Variants in CDH13 observed in about 807,000 individuals in gnomAD.
CDH13 encodes the protein cadherin-13.
CDH13 carries 24 observed loss-of-function variants against 63.8 expected under a neutral mutation model. That is an observed-to-expected ratio of 0.38 (90% CI 0.27 to 0.53). The LOEUF (loss-of-function observed/expected upper bound fraction) is 0.53, where lower values mean the gene tolerates loss of function less well. Ranked by LOEUF, CDH13 falls within the 20% of genes least tolerant of loss-of-function variation. The pLI, the probability that CDH13 is intolerant of heterozygous loss-of-function variation, is 0.85. For missense variants in CDH13, 1,049 were observed against 903.1 expected, an observed-to-expected ratio of 1.16 and a Z score of -2.07; for synonymous variants, 503 against 355.3, an observed-to-expected ratio of 1.42 and a Z score of -4.67.
intron 6 of CDH13, among the ~76,000 whole-genome samples, chr16:83,458,094 C>G (rs147180805): frequency 6.6e-6 from 1 of 152,116 alleles, no homozygotes; most frequent in African/African-American, 2.4e-5. Context: ...AGACAGAACG[C>G]TCCTAACAGA....
chr16:83,182,865 C>T (rs2038391744), intron 4 of CDH13, among the ~76,000 whole-genome samples: 1 of 152,148 alleles, frequency 6.6e-6, no homozygotes, highest in Admixed American at 6.5e-5. Flanking sequence ...CTTTTTATCA[C>T]ATACTTAAAG....
intron 6 of CDH13, among the ~76,000 whole-genome samples, chr16:83,389,392 CTCTA>C (rs1344818145): frequency 5.9e-5 from 9 of 152,182 alleles, no homozygotes; most frequent in Non-Finnish European, 1.0e-4. Flanking sequence ...AGTTAACAAT[CTCTA>C]TCTTTCTATA....
intron 8 of CDH13, among the ~76,000 whole-genome samples, chr16:83,665,201 G>A (rs1021628322): frequency 2.6e-5 from 4 of 151,874 alleles, no homozygotes; most frequent in East Asian, 3.9e-4. Flanking sequence ...CACACCACTC[G>A]AGGAAAATAA....
At chr16:83,085,037 T>C (rs1020092429) in intron 3 of CDH13, among the ~76,000 whole-genome samples, 7 of 152,328 alleles carry the variant, frequency 4.6e-5, no homozygotes, top group Non-Finnish European at 1.0e-4. Context: ...TCCTTAATTG[T>C]CTGGCTTTAA....
chr16:83,069,570 C>G (rs1050562929), intron 3 of CDH13, among the ~76,000 whole-genome samples: 1 of 152,110 alleles, frequency 6.6e-6, no homozygotes, highest in African/African-American at 2.4e-5. Context: ...CTAAAAAATG[C>G]AAAGCCAAGA....
intron 5 of CDH13, among the ~76,000 whole-genome samples, chr16:83,226,884 A>G (rs143457884): frequency 2.9e-4 from 44 of 152,320 alleles, no homozygotes; most frequent in Admixed American, 1.5e-3. Context: ...CCCGCCACCC[A>G]TTAGCCATCT....
At chr16:83,612,100 A>G (rs1374872255) in intron 8 of CDH13, among the ~76,000 whole-genome samples, 2 of 152,094 alleles carry the variant, frequency 1.3e-5, no homozygotes, top group African/African-American at 2.4e-5. Flanking sequence ...TCAGTTACTG[A>G]AAGAGTGATA....
At chr16:83,616,026 G>A (rs997153648) in intron 8 of CDH13, among the ~76,000 whole-genome samples, 1 of 152,140 alleles carries the variant, frequency 6.6e-6, no homozygotes, top group African/African-American at 2.4e-5. Context: ...GCCGCTGAAT[G>A]TTTTTGAATA....
chr16:83,087,754 A>G (rs534483424), intron 3 of CDH13, among the ~76,000 whole-genome samples: 97 of 149,484 alleles, frequency 6.5e-4, no homozygotes, highest in African/African-American at 2.4e-3. Context: ...TCATACTTTC[A>G]TTGAATTTTT....
chr16:82,739,007 A>G (rs1191246501), intron 1 of CDH13, among the ~76,000 whole-genome samples: 2 of 152,238 alleles, frequency 1.3e-5, no homozygotes, highest in Non-Finnish European at 2.9e-5. Context: ...TCAAAGAAGC[A>G]GTGAGCAAGA....
At chr16:82,744,616 C>T (rs536418756) in intron 1 of CDH13, among the ~76,000 whole-genome samples, 1 of 152,158 alleles carries the variant, frequency 6.6e-6, no homozygotes, top group East Asian at 1.9e-4. Flanking sequence ...GGAGCTATAA[C>T]AGGGTTAGAA....
intron 5 of CDH13, among the ~76,000 whole-genome samples, chr16:83,344,098 C>G (rs2090785092): frequency 6.6e-6 from 1 of 152,146 alleles, no homozygotes; most frequent in Admixed American, 6.5e-5. Flanking sequence ...ACACTTATAT[C>G]CAAGAGGAAG....
At chr16:82,712,747 C>T (rs1393321704) in intron 1 of CDH13, among the ~76,000 whole-genome samples, 1 of 152,194 alleles carries the variant, frequency 6.6e-6, no homozygotes, top group East Asian at 1.9e-4. Context: ...TGACTGTTCG[C>T]ATAGCCTTTC....
intron 2 of CDH13, among the ~76,000 whole-genome samples, chr16:82,997,296 C>T (rs908367615): frequency 1.9e-4 from 29 of 152,268 alleles, no homozygotes; most frequent in Admixed American, 1.3e-3. Context: ...AATGTGTAAA[C>T]TCACAGTGCT....
intron 6 of CDH13, among the ~76,000 whole-genome samples, chr16:83,471,037 A>T (rs1294527650): frequency 6.6e-6 from 1 of 151,992 alleles, no homozygotes; most frequent in Non-Finnish European, 1.5e-5. Context: ...TGGCGTCTCC[A>T]GATATCTTTC....
At chr16:83,590,154 G>T (rs1344387555) in intron 7 of CDH13, among the ~76,000 whole-genome samples, 5 of 152,162 alleles carry the variant, frequency 3.3e-5, no homozygotes, top group African/African-American at 9.7e-5. Flanking sequence ...GCCACTGAAG[G>T]GTTTTAAGGA....
intron 1 of CDH13, among the ~76,000 whole-genome samples, chr16:82,804,224 C>T (rs1025313224): frequency 1.5e-4 from 15 of 101,766 alleles, no homozygotes; most frequent in Non-Finnish European, 2.7e-4. Flanking sequence ...GAGACTTCAT[C>T]TCAAAAAAAA....
At chr16:83,301,033 T>TTTG (rs1349811960) in intron 5 of CDH13, among the ~76,000 whole-genome samples, 1 of 129,036 alleles carries the variant, frequency 7.7e-6, no homozygotes, top group Non-Finnish European at 1.6e-5. Context: ...GGGTTTTTTT[T>TTTG]TTTTTTTTTT....
intron 1 of CDH13, among the ~76,000 whole-genome samples, chr16:82,714,592 T>C (rs1361322149): frequency 6.6e-6 from 1 of 151,006 alleles, no homozygotes; most frequent in East Asian, 2.0e-4. Context: ...CATACACCTG[T>C]AGTTTCAGCT....
Sources: allele counts gnomAD v4.1 joint callset (sites outside exome capture counted in the v4.1 genomes callset), GRCh38; gene constraint gnomAD v4.1.1; transcripts MANE v1.5; gene names NCBI Gene and HGNC (gene_info 2026-07-23, HGNC 2026-07-21).